Variants in SEZ6L observed in about 807,000 individuals in gnomAD.
SEZ6L encodes the protein seizure related 6 homolog like, also known as seizure 6-like protein.
A neutral mutation model predicts 106.2 loss-of-function variants in SEZ6L; 37 were observed. That is an observed-to-expected ratio of 0.35 (90% CI 0.27 to 0.46). The LOEUF (loss-of-function observed/expected upper bound fraction) is 0.46, where lower values mean the gene tolerates loss of function less well. SEZ6L is among the 20% of genes least tolerant of loss of function. The pLI is 1.00. For synonymous variants in SEZ6L, 541 were observed against 570.4 expected (o/e 0.95, Z 0.73); for missense variants, 1,172 against 1,332.8 (o/e 0.88, Z 1.88).
At chr22:26,232,750 C>T (rs373409737) in intron 1 of SEZ6L, among the ~76,000 whole-genome samples, 34 of 152,318 alleles carry the variant, frequency 2.2e-4, no homozygotes, top group African/African-American at 7.7e-4. Flanking sequence ...CTCATGGTCA[C>T]ACAACCACAA....
intron 9 of SEZ6L, 53 bp from the exon 10 acceptor site, chr22:26,340,382 AT>A: frequency 6.6e-7 from 1 of 1,511,348 alleles, no homozygotes; most frequent in Middle Eastern, 1.8e-4. Context: ...TCAAGGGTTT[AT>A]TGAATGCCCA....
rs73419565 is a variant in SEZ6L, at chr22:26,295,713, T to C, written c.970-1175T>C. ...TTTTACCAGGCACAGTAGAGTTCAT[T>C]CATTGAGCAATTAGAATGCACCAGG... On this transcript the variant is annotated intron_variant, in intron 3 of 16. Transcript: ENST00000248933. Among the ~76,000 whole-genome samples, 963 of 152,282 alleles carry C rather than the reference T, an allele frequency of 6.3e-3. 14 individuals carry two copies. The highest frequency in any genetic ancestry group is 0.022 in the African/African-American group (909 of 41,546).
chr22:26,250,791 T>A (rs2079550455), intron 1 of SEZ6L, among the ~76,000 whole-genome samples: 1 of 152,228 alleles, frequency 6.6e-6, no homozygotes. Flanking sequence ...AATTCATGAA[T>A]ATGGGATGTC....
chr22:26,208,190 C>G (rs1027249284), intron 1 of SEZ6L, among the ~76,000 whole-genome samples: 2 of 152,130 alleles, frequency 1.3e-5, no homozygotes, highest in Non-Finnish European at 2.9e-5. Context: ...GCTGGGATTA[C>G]AGGCGTGAGC....
chr22:26,193,342 C>T (rs1399508780), intron 1 of SEZ6L, among the ~76,000 whole-genome samples: 1 of 152,082 alleles, frequency 6.6e-6, no homozygotes, highest in Non-Finnish European at 1.5e-5. Context: ...CCTAGCCTGT[C>T]TCCCTTTTTT....
intron 12 of SEZ6L, among the ~76,000 whole-genome samples, chr22:26,351,980 G>A (rs1433412408): frequency 2.6e-5 from 4 of 151,994 alleles, no homozygotes; most frequent in South Asian, 2.1e-4. Flanking sequence ...GCAACATGGC[G>A]AAACCCTGTC....
intron 12 of SEZ6L, among the ~76,000 whole-genome samples, chr22:26,351,897 A>G (rs936155575): frequency 2.0e-5 from 3 of 151,296 alleles, no homozygotes; most frequent in South Asian, 2.2e-4. Context: ...GGTGGCTCAC[A>G]CCTGTAATCC....
chr22:26,347,873 G>T lies in SEZ6L; in HGVS notation c.2367G>T (p.Trp789Cys). The T allele has an allele frequency of 6.3e-7, 1 of 1,587,688 alleles. No homozygotes were observed. The highest frequency in any genetic ancestry group is 1.2e-5 in the South Asian group (1 of 86,542). ...GGAGTGACACCCTCACCTGCCAGTG[G>T]GACCTCAGCTGGAGCAGCGACCCCC... ...IVGSDTLTCQ[W>C]DLSWSSDPPF... The change falls in exon 11 of 17, where the codon TGG becomes TGT. Residue 789 changes from tryptophan (W) to cysteine (C), a missense_variant. Coordinates refer to ENST00000248933, the MANE Select transcript of SEZ6L (RefSeq NM_021115.5).
At chr22:26,281,305 G>A (rs1169760228) in intron 1 of SEZ6L, among the ~76,000 whole-genome samples, 2 of 152,058 alleles carry the variant, frequency 1.3e-5, no homozygotes, top group African/African-American at 4.8e-5. Context: ...TCCCCACCAG[G>A]AGGAAGGCCT....
chr22:26,372,976 A>G (rs1191200970), intron 13 of SEZ6L, among the ~76,000 whole-genome samples: 2 of 152,154 alleles, frequency 1.3e-5, no homozygotes, highest in Non-Finnish European at 2.9e-5. Context: ...GACCCTAACC[A>G]CATAATTGAG....
At chr22:26,358,900 A>G (rs2083523789) in intron 12 of SEZ6L, among the ~76,000 whole-genome samples, 1 of 152,178 alleles carries the variant, frequency 6.6e-6, no homozygotes, top group Non-Finnish European at 1.5e-5. Context: ...GACAGCCCCC[A>G]CCACAAAGAA....
chr22:26,251,774 G>A (rs2079598500), intron 1 of SEZ6L, among the ~76,000 whole-genome samples: 1 of 152,186 alleles, frequency 6.6e-6, no homozygotes, highest in Non-Finnish European at 1.5e-5. Flanking sequence ...GAGACTCACA[G>A]CCCCTGAGCC....
chr22:26,170,859 A>T (rs571720921), intron 1 of SEZ6L, among the ~76,000 whole-genome samples: 1 of 152,386 alleles, frequency 6.6e-6, no homozygotes, highest in East Asian at 1.9e-4. Flanking sequence ...GAGCGCAGGC[A>T]CTATGCTTAT....
At chr22:26,274,066 G>C (rs770028598) in intron 1 of SEZ6L, among the ~76,000 whole-genome samples, 6 of 152,094 alleles carry the variant, frequency 3.9e-5, no homozygotes, top group Admixed American at 2.6e-4. Flanking sequence ...GATCTGGAAG[G>C]GTTATTAGAG....
chr22:26,324,918 G>C (rs956580244), intron 9 of SEZ6L, among the ~76,000 whole-genome samples: 3 of 152,170 alleles, frequency 2.0e-5, no homozygotes, highest in Admixed American at 2.0e-4. Context: ...CACGAGTCTA[G>C]AGATCAGCGT....
At chr22:26,333,493 G>A (rs2082552005) in intron 9 of SEZ6L, among the ~76,000 whole-genome samples, 1 of 152,212 alleles carries the variant, frequency 6.6e-6, no homozygotes, top group Non-Finnish European at 1.5e-5. Context: ...GGTTGGAGCA[G>A]GGAAGAGTCC....
chr22:26,292,546 G>A lies in SEZ6L; in HGVS notation c.235G>A (p.Val79Met), dbSNP rs2081163601. ...CCCCAGTTCCTCACAGTCGGCGGAA[G>A]TGCTGGGCGAGCTGGTGCTGGATGG... Reference protein sequence around the residue: ...APPSSSQSAEVLGELVLDGTA... With the variant: ...APPSSSQSAEMLGELVLDGTA... The change falls in exon 2 of 17, where the codon GTG (valine) becomes ATG (methionine). Residue 79 changes from valine (V) to methionine (M), a missense_variant. This residue lies in a region of SEZ6L where 494 missense variants were observed against 445.8 expected (regional missense o/e 1.11). Transcript: ENST00000248933. The A allele has an allele frequency of 1.2e-6, 2 of 1,613,898 alleles. No homozygotes were observed. Among genetic ancestry groups the A allele is most frequent in the Non-Finnish European group, 1.7e-6 (2 of 1,179,890 alleles).
intron 1 of SEZ6L, among the ~76,000 whole-genome samples, chr22:26,200,588 C>T (rs536188826): frequency 3.9e-5 from 6 of 152,300 alleles, no homozygotes; most frequent in South Asian, 2.1e-4. Context: ...AGATGAGGAA[C>T]GCAATGTGGT....
intron 9 of SEZ6L, among the ~76,000 whole-genome samples, chr22:26,337,040 G>T (rs1344970587): frequency 6.6e-6 from 1 of 152,072 alleles, no homozygotes; most frequent in East Asian, 1.9e-4. Context: ...GCTTGCCCAG[G>T]TGCTAATGCT....
Sources: gnomAD v4.1 joint callset for allele counts (sites outside exome capture counted in the v4.1 genomes callset) on GRCh38, gnomAD v4.1.1 for gene constraint, gnomAD v4.1.1 regional missense constraint, MANE v1.5 for transcripts, NCBI Gene and HGNC (gene_info 2026-07-23, HGNC 2026-07-21) for gene names.